Variants in GPC4 observed in about 807,000 individuals in gnomAD.
GPC4 encodes the protein glypican-4.
GPC4 carries 10 observed loss-of-function variants against 35.0 expected under a neutral mutation model. The ratio of observed to expected loss-of-function variants is 0.29; its 90% CI spans 0.18 to 0.48. The LOEUF is 0.48. Ranked by LOEUF, GPC4 falls within the 20% of genes least tolerant of loss-of-function variation. The pLI is 0.99. For synonymous variants in GPC4, 167 were observed against 170.2 expected (o/e 0.98, Z 0.15); for missense variants, 322 against 451.3 (o/e 0.71, Z 2.60).
intron 1 of GPC4, among the ~76,000 whole-genome samples, chrX:133,348,266 C>G (rs1246558339): frequency 8.9e-6 from 1 of 112,406 alleles, no homozygotes; most frequent in East Asian, 2.8e-4. Context: ...GCACACCAAA[C>G]CAAACTGAGT....
In GPC4 at chrX:133,305,900, G is replaced by T; in HGVS notation, c.1027C>A (p.Pro343Thr). The change falls in exon 6 of 9, where the codon CCC becomes ACC. Residue 343 changes from proline (P) to threonine (T), a missense_variant. Around this residue, in one of 3 missense-constraint regions of GPC4, gnomAD observed 163 missense variants for 277.2 expected, o/e 0.59. Coordinates refer to ENST00000370828, the MANE Select transcript of GPC4 (RefSeq NM_001448.3). ...VSQKVFQGCG[P>T]PKPLPAGRIS... ...CGTCCAGCTGGGAGGGGCTTGGGGG[G>T]TCCACATCCCTGGAAAACCTGCATT... 5.8e-6 allele frequency: 7 copies of T among 1,211,342 alleles called. No homozygotes were observed. The highest frequency in any genetic ancestry group is 7.8e-6 in the Non-Finnish European group (7 of 895,439).
At chrX:133,385,346 T>C (rs2068684035) in intron 1 of GPC4, among the ~76,000 whole-genome samples, 1 of 112,111 alleles carries the variant, frequency 8.9e-6, no homozygotes, top group Admixed American at 9.5e-5. Flanking sequence ...TACATGGTCT[T>C]AGAAGAAATG....
At chrX:133,323,570 C>A (rs988740779) in intron 3 of GPC4, among the ~76,000 whole-genome samples, 1 of 112,584 alleles carries the variant, frequency 8.9e-6, no homozygotes, top group African/African-American at 3.2e-5. Flanking sequence ...AGCTCCTGAT[C>A]ACATACTACA....
intron 1 of GPC4, among the ~76,000 whole-genome samples, chrX:133,380,107 T>C (rs2068654111): frequency 9.1e-6 from 1 of 109,794 alleles, no homozygotes; most frequent in South Asian, 4.0e-4. Flanking sequence ...GAGGCCAAGG[T>C]GGGAGGATCA....
intron 1 of GPC4, among the ~76,000 whole-genome samples, chrX:133,366,553 A>G (rs1234140647): frequency 8.9e-6 from 1 of 111,781 alleles, no homozygotes; most frequent in African/African-American, 3.2e-5. Flanking sequence ...GATTTATAAT[A>G]GGATGGTGAA....
intron 1 of GPC4, among the ~76,000 whole-genome samples, chrX:133,391,519 T>C (rs1042377646): frequency 1.8e-5 from 2 of 112,310 alleles, no homozygotes; most frequent in Non-Finnish European, 1.9e-5. Context: ...CTGGTTAATT[T>C]TGTAAATCGA....
chrX:133,323,632 T>C (rs910180102), intron 3 of GPC4, among the ~76,000 whole-genome samples: 1 of 112,585 alleles, frequency 8.9e-6, no homozygotes, highest in Non-Finnish European at 1.9e-5. Context: ...AACAGCAGTG[T>C]AGTCCACACT....
At chrX:133,311,620 A>G in intron 3 of GPC4, 197 bp from the exon 4 acceptor site, 1 of 460,069 alleles carries the variant, frequency 2.2e-6, no homozygotes, top group Non-Finnish European at 3.8e-6. Context: ...GAGAGGAGGG[A>G]GATGACCCAA....
intron 1 of GPC4, among the ~76,000 whole-genome samples, chrX:133,400,280 G>A (rs1371361474): frequency 8.9e-6 from 1 of 111,904 alleles, no homozygotes; most frequent in Non-Finnish European, 1.9e-5. Context: ...ATTCACTGGG[G>A]GCGGGAGCTT....
At chrX:133,367,200 A>T (rs2068593528) in intron 1 of GPC4, among the ~76,000 whole-genome samples, 1 of 112,031 alleles carries the variant, frequency 8.9e-6, no homozygotes, top group Non-Finnish European at 1.9e-5. Flanking sequence ...AACGCCAAGA[A>T]CTCAGACAAC....
intron 1 of GPC4, among the ~76,000 whole-genome samples, chrX:133,372,351 T>C (rs1003384502): frequency 7.3e-5 from 8 of 110,116 alleles, no homozygotes; most frequent in Non-Finnish European, 1.3e-4. Context: ...AGGGGCTCCT[T>C]ACAAAACAGA....
chrX:133,399,065 G>T (rs953933462), intron 1 of GPC4, among the ~76,000 whole-genome samples: 3 of 111,527 alleles, frequency 2.7e-5, no homozygotes. Flanking sequence ...GGCAAGGGAA[G>T]GAATCTTGTC....
At chrX:133,350,066 C>T (rs902537666) in intron 1 of GPC4, among the ~76,000 whole-genome samples, 1 of 111,794 alleles carries the variant, frequency 8.9e-6, no homozygotes, top group Admixed American at 9.5e-5. Flanking sequence ...CAAAATACAG[C>T]GTGGTAAGAG....
chrX:133,311,241 G>A lies in GPC4; in HGVS notation c.877+17C>T, dbSNP rs755737172. The A allele has an allele frequency of 2.5e-6, 3 of 1,205,558 alleles. No homozygotes were observed. The highest frequency in any genetic ancestry group is 3.4e-6 in the Non-Finnish European group (3 of 891,094). ...AAGCTATCTCCAGCAACACAAATAT[G>A]TTAACCACTTGCTCACCTATGAAAT... is the stretch of plus-strand genomic sequence containing the variant. On this transcript the variant is annotated intron_variant, in intron 4 of 8. Coordinates refer to ENST00000370828, the MANE Select transcript of GPC4 (RefSeq NM_001448.3).
intron 1 of GPC4, among the ~76,000 whole-genome samples, chrX:133,345,932 A>C (rs2068489843): frequency 8.9e-6 from 1 of 111,956 alleles, no homozygotes; most frequent in Non-Finnish European, 1.9e-5. Flanking sequence ...TTTACAGAAA[A>C]TTAAAGTACA....
intron 4 of GPC4, 95 bp from the exon 5 acceptor site, chrX:133,306,249 T>G: frequency 1.0e-6 from 1 of 968,374 alleles, no homozygotes; most frequent in East Asian, 3.1e-5. Context: ...TCTGTCTGTT[T>G]CCTGCATGGG....
At chrX:133,303,903 GAGGAAGGAAGGAAGGA>G (rs59442838) in intron 7 of GPC4, among the ~76,000 whole-genome samples, 6 of 75,409 alleles carry the variant, frequency 8.0e-5, no homozygotes, top group Non-Finnish European at 1.2e-4. Context: ...TACTCTGTTG[GAGGAAGGAAGGAAGGA>G]AGGAAGGAAG....
At chrX:133,332,961 G>A (rs141099114) in intron 2 of GPC4, among the ~76,000 whole-genome samples, 82 of 112,533 alleles carry the variant, frequency 7.3e-4, no homozygotes, top group African/African-American at 2.3e-3. Flanking sequence ...CAGAAAGGGT[G>A]TGTCCATGTA....
At chrX:133,406,932 C>T (rs1372317868) in intron 1 of GPC4, among the ~76,000 whole-genome samples, 4 of 108,844 alleles carry the variant, frequency 3.7e-5, no homozygotes, top group Non-Finnish European at 7.6e-5. Flanking sequence ...AAAAACCAGC[C>T]GGGTGTGGCA....
Sources: allele counts gnomAD v4.1 joint callset (sites outside exome capture counted in the v4.1 genomes callset), GRCh38; gene constraint gnomAD v4.1.1; regional missense constraint gnomAD v4.1.1; transcripts MANE v1.5; gene names NCBI Gene and HGNC (gene_info 2026-07-23, HGNC 2026-07-21).